EPB41L3: variants seen among roughly 807,000 people sequenced by gnomAD.
The protein encoded by EPB41L3 is band 4.1-like protein 3.
Under a neutral mutation model 127.1 loss-of-function variants are expected in EPB41L3, and 57 were observed. The observed-to-expected ratio is 0.45, with a 90% CI of 0.36 to 0.56. EPB41L3 has a LOEUF of 0.56. Among genes scored for constraint, EPB41L3 ranks in the 20% least tolerant of loss-of-function variants. The pLI, the probability that EPB41L3 is intolerant of heterozygous loss-of-function variation, is 0.00. For synonymous variants in EPB41L3, 572 were observed against 549.5 expected (o/e 1.04, Z -0.57); for missense variants, 1,273 against 1,372.2 (o/e 0.93, Z 1.14).
chr18:5,585,036 A>G (rs1362993425), intron 3 of EPB41L3, among the ~76,000 whole-genome samples: 1 of 152,188 alleles, frequency 6.6e-6, no homozygotes, highest in Non-Finnish European at 1.5e-5. Context: ...TAATCCCTTC[A>G]GGAATTGTCT....
At chr18:5,393,674 A>C in intron 22 of EPB41L3, 196 bp from the exon 23 acceptor site, 54 of 452,572 alleles carry the variant, frequency 1.2e-4, no homozygotes, top group Middle Eastern at 5.6e-4. Flanking sequence ...GCTGAAGCTC[A>C]TGGAAGAAAT....
intron 1 of EPB41L3, among the ~76,000 whole-genome samples, chr18:5,503,225 T>G (rs1192892416): frequency 6.6e-6 from 1 of 152,192 alleles, no homozygotes; most frequent in Non-Finnish European, 1.5e-5. Flanking sequence ...AAAAGTTAAT[T>G]ATAATATAAT....
chr18:5,484,184 T>G (rs185259613), intron 2 of EPB41L3, among the ~76,000 whole-genome samples: 53 of 110,966 alleles, frequency 4.8e-4, no homozygotes, highest in African/African-American at 1.7e-3. Context: ...TAGAAATCAG[T>G]AAGAGGAACC....
At chr18:5,593,269 T>C (rs1019542731) in intron 3 of EPB41L3, among the ~76,000 whole-genome samples, 3 of 145,204 alleles carry the variant, frequency 2.1e-5, no homozygotes, top group Admixed American at 6.9e-5. Context: ...TGATATTTCA[T>C]GTATGTTCCA....
At chr18:5,595,006 T>C (rs1259231300) in intron 3 of EPB41L3, among the ~76,000 whole-genome samples, 1 of 152,178 alleles carries the variant, frequency 6.6e-6, no homozygotes, top group Non-Finnish European at 1.5e-5. Flanking sequence ...CAATCCACAC[T>C]AGGCACATAG....
At chr18:5,533,177 G>T (rs2093465797) in intron 1 of EPB41L3, among the ~76,000 whole-genome samples, 1 of 152,152 alleles carries the variant, frequency 6.6e-6, no homozygotes, top group South Asian at 2.1e-4. Flanking sequence ...TCTGAAAATG[G>T]TTACACAATT....
chr18:5,470,586 A>C (rs1329700231), intron 3 of EPB41L3, among the ~76,000 whole-genome samples: 1 of 152,228 alleles, frequency 6.6e-6, no homozygotes. Context: ...ATGAAGACCA[A>C]ATGAGGCAAA....
chr18:5,587,678 A>T (rs1178874280), intron 3 of EPB41L3, among the ~76,000 whole-genome samples: 1 of 152,196 alleles, frequency 6.6e-6, no homozygotes. Context: ...TACTTACATG[A>T]CATTCACAAT....
rs144581640 is a variant in EPB41L3, at chr18:5,537,975, A to G, written c.-12+5938T>C. Among the ~76,000 whole-genome samples, 39 of 152,326 alleles carry G rather than the reference A, an allele frequency of 2.6e-4. No individual in the cohort carries two copies. The East Asian group carries it at 6.4e-3, about 25-fold the overall frequency. Reference sequence around the variant, plus strand: ...TAAAGTACATTTCAAAAAATTGCATAGCCAAATGATAAACCATATTTCATA... The same window carrying G: ...TAAAGTACATTTCAAAAAATTGCATGGCCAAATGATAAACCATATTTCATA... On this transcript the variant is annotated intron_variant, in intron 1 of 22. Coordinates refer to ENST00000341928, the MANE Select transcript of EPB41L3 (RefSeq NM_012307.5).
At chr18:5,451,957 G>A (rs2082330871) in intron 3 of EPB41L3, among the ~76,000 whole-genome samples, 1 of 152,140 alleles carries the variant, frequency 6.6e-6, no homozygotes, top group South Asian at 2.1e-4. Flanking sequence ...TCTTGCTTCA[G>A]CCTCCCAAGT....
intron 1 of EPB41L3, among the ~76,000 whole-genome samples, chr18:5,497,929 GAAT>G (rs2091330682): frequency 6.6e-6 from 1 of 152,194 alleles, no homozygotes. Context: ...ATTTGGCAGA[GAAT>G]TTTAGTCTCC....
intron 8 of EPB41L3, 125 bp from the exon 9 acceptor site, chr18:5,428,590 A>T: frequency 9.1e-7 from 1 of 1,093,724 alleles, no homozygotes; most frequent in Non-Finnish European, 1.3e-6. Context: ...AAAATGATGC[A>T]GCCATTTTTA....
Position 5,400,728 on chromosome 18 carries a change from G to C in EPB41L3, c.2350-2585C>G, listed in dbSNP as rs770840857. ...GATTATTATCAGAAAGTAAGTCAAT[G>C]ACAACATACAGAGAAAAATCAGCTT... On this transcript the variant is annotated intron_variant, in intron 16 of 22. Transcript: ENST00000341928. 42 of 547,216 alleles carry C rather than the reference G, an allele frequency of 7.7e-5. No homozygotes were observed. The Middle Eastern group carries it at 1.1e-3, about 14-fold the overall frequency. The allele number at this position is 547,216 out of a possible 1,614,324, so 33.9% of individuals were successfully genotyped here.
chr18:5,517,733 T>C lies in EPB41L3; in HGVS notation c.-12+26180A>G, dbSNP rs139465438. 4.3e-3 allele frequency among the ~76,000 whole-genome samples: 649 copies of C among 152,256 alleles called. 5 individuals carry two copies. The highest frequency in any genetic ancestry group is 0.015 in the African/African-American group (619 of 41,544). Reference sequence around the variant, plus strand: ...GATTATAGGTGTGAGCCACTGCACCTGGCCAGGAAGCATCTTATCCACAGA... The same window carrying C: ...GATTATAGGTGTGAGCCACTGCACCCGGCCAGGAAGCATCTTATCCACAGA... On this transcript the variant is annotated intron_variant, in intron 1 of 22. Coordinates refer to ENST00000341928, the MANE Select transcript of EPB41L3 (RefSeq NM_012307.5).
chr18:5,505,709 A>G (rs1173375205), intron 1 of EPB41L3, among the ~76,000 whole-genome samples: 8 of 99,202 alleles, frequency 8.1e-5, no homozygotes, highest in African/African-American at 3.3e-4. Flanking sequence ...CCTTCCCTCC[A>G]CACCTTCACC....
chr18:5,529,764 T>C (rs1012427149), intron 1 of EPB41L3, among the ~76,000 whole-genome samples: 3 of 152,138 alleles, frequency 2.0e-5, no homozygotes, highest in Non-Finnish European at 4.4e-5. Context: ...TGGCTTTCAT[T>C]ACCTTCCTAT....
chr18:5,428,723 G>A (rs1008872229), intron 8 of EPB41L3, among the ~76,000 whole-genome samples: 1 of 152,162 alleles, frequency 6.6e-6, no homozygotes, highest in African/African-American at 2.4e-5. Context: ...CACACCAAGA[G>A]GGCCCAGCTC....
intron 6 of EPB41L3, among the ~76,000 whole-genome samples, chr18:5,437,524 C>T (rs1598923170): frequency 6.6e-6 from 1 of 152,168 alleles, no homozygotes; most frequent in Non-Finnish European, 1.5e-5. Context: ...AAAGCTGTTA[C>T]CAAACTGAAA....
At chr18:5,396,017 G>A (rs2143683176) in intron 19 of EPB41L3, among the ~76,000 whole-genome samples, 184 bp downstream of exon 19, 1 of 152,236 alleles carries the variant, frequency 6.6e-6, no homozygotes, top group Middle Eastern at 3.4e-3. Context: ...ACTTGGTTAA[G>A]TCATCTGCTG....
Sources: gnomAD v4.1 joint callset for allele counts (sites outside exome capture counted in the v4.1 genomes callset) on GRCh38, gnomAD v4.1.1 for gene constraint, MANE v1.5 for transcripts, NCBI Gene and HGNC (gene_info 2026-07-23, HGNC 2026-07-21) for gene names.